MYH1: variants seen among roughly 807,000 people sequenced by gnomAD.
The protein encoded by MYH1 is myosin-1.
Under a neutral mutation model 225.6 loss-of-function variants are expected in MYH1, and 214 were observed. The observed-to-expected ratio is 0.95, with a 90% CI of 0.85 to 1.06. MYH1 has a LOEUF of 1.06. MYH1 is among the 50% of genes least tolerant of loss of function. The pLI, the probability that MYH1 is intolerant of heterozygous loss-of-function variation, is 0.00. For missense variants in MYH1, 2,098 were observed against 2,344.2 expected (o/e 0.89, Z 2.17); for synonymous variants, 774 against 842.3 (o/e 0.92, Z 1.40).
chr17:10,500,955 CTTG>C (rs141431582), intron 27 of MYH1, among the ~76,000 whole-genome samples, 152 bp downstream of exon 27: 1,799 of 152,254 alleles, frequency 0.012, 32 homozygotes, highest in African/African-American at 0.041. Context: ...CACTGAATTA[CTTG>C]TTAATCTAAC....
chr17:10,494,291 C>A lies in MYH1; in HGVS notation c.5667+63G>T, dbSNP rs190844016. 62 of 1,445,336 alleles carry A rather than the reference C, an allele frequency of 4.3e-5. 1 individual carries two copies. In the Admixed American group the frequency reaches 1.2e-3, roughly 28 times the overall value. The allele number at this position is 1,445,336 out of a possible 1,614,324, so 89.5% of individuals were successfully genotyped here. ...TCATTTTACTCATCTTTTCTTTTGT[C>A]ACTTTAACTAAACTGGCCTGGTCAT... On this transcript the variant is annotated intron_variant, in intron 39 of 39. Transcript: ENST00000226207.
chr17:10,511,883 A>G lies in MYH1; in HGVS notation c.1372T>C (p.Tyr458His), dbSNP rs773382684. 1.5e-5 allele frequency: 24 copies of G among 1,614,108 alleles called. No individual in the cohort carries two copies. The highest frequency in any genetic ancestry group is 2.0e-5 in the Non-Finnish European group (24 of 1,180,038). The change falls in exon 14 of 40, where the codon TAC becomes CAC. Residue 458 changes from tyrosine to histidine, a missense_variant. Tyr to His is a moderately conservative substitution (Grantham distance 83). Transcript: ENST00000226207. ...GCAATGTCCAAGACCCCAATGAAGT[A>G]CTGCCTGGGCTGCTTGGTGTCCAGC... ...QQLDTKQPRQ[Y>H]FIGVLDIAGF...
intron 31 of MYH1, 125 bp downstream of exon 31, chr17:10,497,609 G>A: frequency 1.3e-6 from 2 of 1,498,244 alleles, no homozygotes; most frequent in Non-Finnish European, 1.8e-6. Context: ...CCTCTCCACA[G>A]ACAGCTGCTG....
Position 10,512,430 on chromosome 17 carries a change from T to A in MYH1, c.1125A>T (p.Gln375His). ...TACCTTCAGTGCCATCTGGCTCAGCTTGCTCCTCACGCTGCTTTTGCTTGA... is the reference window on the plus strand; with the variant it reads ...TACCTTCAGTGCCATCTGGCTCAGCATGCTCCTCACGCTGCTTTTGCTTGA... ...MKFKQKQREE[Q>H]AEPDGTEVAD... The change falls in exon 12 of 40, where the codon CAA becomes CAT. Residue 375 changes from glutamine to histidine, a missense_variant. Gln to His is a conservative substitution (Grantham distance 24). Coordinates refer to ENST00000226207, the MANE Select transcript of MYH1 (RefSeq NM_005963.4). 1 of 1,614,182 alleles carries A rather than the reference T, an allele frequency of 6.2e-7. No homozygotes were observed. Among genetic ancestry groups the A allele is most frequent in the Non-Finnish European group, 8.5e-7 (1 of 1,180,010 alleles).
intron 24 of MYH1, 69 bp from the exon 25 acceptor site, chr17:10,501,980 A>G (rs745597723): frequency 2.2e-5 from 32 of 1,444,618 alleles, no homozygotes; most frequent in Non-Finnish European, 2.9e-5. Flanking sequence ...TGAAATTTTT[A>G]AACATTATAT....
In MYH1 at chr17:10,508,584, T is replaced by A. The variant is rs771631959; in HGVS notation, c.1676A>T (p.His559Leu). 6.2e-7 allele frequency: 1 copy of A among 1,614,126 alleles called. No homozygotes were observed. Among genetic ancestry groups the A allele is most frequent in the Admixed American group, 1.7e-5 (1 of 60,016 alleles). Residue 559 changes from histidine (H) to leucine (L), a missense_variant, in exon 16 of 40, where the codon CAT becomes CTT. His to Leu is a moderately conservative substitution (Grantham distance 99). Coordinates refer to ENST00000226207, the MANE Select transcript of MYH1 (RefSeq NM_005963.4). ...CTGGAAGTTATTGGATTTTCCAAGA[T>A]GTTGTTCATACAGCTTGTTCTTGAA... is the stretch of plus-strand genomic sequence containing the variant. ...TSFKNKLYEQHLGKSNNFQKP... is the reference protein window; with the variant it reads ...TSFKNKLYEQLLGKSNNFQKP...
In MYH1 at chr17:10,492,548, G is replaced by A. The variant is rs144232082; in HGVS notation, c.5688C>T (p.Asn1896=). 6.2e-7 allele frequency: 1 copy of A among 1,613,488 alleles called. No individual in the cohort carries two copies. Among genetic ancestry groups the A allele is most frequent in the Non-Finnish European group, 8.5e-7 (1 of 1,179,830 alleles). Residue 1896 remains asparagine, a synonymous_variant, in exon 40 of 40, where the codon AAC becomes AAT. Transcript: ENST00000226207. The part of the protein sequence containing the change: ...AEEAEEQSNV[N]LSKFRRIQHE... ...GCTGGATCCTGCGGAATTTGGAGAGGTTGACGTTGGATTGTTCCTCCTGTG... is the reference window on the plus strand; with the variant it reads ...GCTGGATCCTGCGGAATTTGGAGAGATTGACGTTGGATTGTTCCTCCTGTG...
At chr17:10,502,954 C>T (rs747598954) in intron 23 of MYH1, 40 bp from the exon 24 acceptor site, 7 of 1,614,148 alleles carry the variant, frequency 4.3e-6, no homozygotes, top group South Asian at 2.2e-5. Flanking sequence ...CTCTAAAGCA[C>T]CTTTGTTGGG....
At chr17:10,498,528 T>C in intron 30 of MYH1, 98 bp downstream of exon 30, 2 of 1,510,172 alleles carry the variant, frequency 1.3e-6, no homozygotes, top group Non-Finnish European at 1.8e-6. Context: ...TCCAACAATA[T>C]GGCTGTATAT....
rs759316011 is a variant in MYH1, at chr17:10,499,111, A to T, written c.3866-19T>A. ...TATTCACCTGTAAAAGACCAAGTCC[A>T]GAAAACTCAACCTTACTTTGGAAAT... On this transcript the variant is annotated intron_variant, in intron 28 of 39. Coordinates refer to ENST00000226207, the MANE Select transcript of MYH1 (RefSeq NM_005963.4). The T allele has an allele frequency of 5.1e-6, 8 of 1,583,130 alleles. No homozygotes were observed. The highest frequency in any genetic ancestry group is 6.1e-6 in the Non-Finnish European group (7 of 1,154,656).
At chr17:10,511,451 C>T (rs1379525472) in intron 14 of MYH1, among the ~76,000 whole-genome samples, 1 of 152,080 alleles carries the variant, frequency 6.6e-6, no homozygotes, top group African/African-American at 2.4e-5. Context: ...TTACTGAGTG[C>T]TGCCTGCATG....
In MYH1 at chr17:10,508,506, T is replaced by C; in HGVS notation, c.1754A>G (p.Tyr585Cys). 1 of 1,614,156 alleles carries C rather than the reference T, an allele frequency of 6.2e-7. No individual in the cohort carries two copies. Among genetic ancestry groups the C allele is most frequent in the Non-Finnish European group, 8.5e-7 (1 of 1,180,036 alleles). Residue 585 changes from tyrosine to cysteine, a missense_variant, in exon 16 of 40, where the codon TAT (tyrosine) becomes TGT (cysteine). By Grantham distance (194) the Tyr-to-Cys change is radical (BLOSUM62 -2). Coordinates refer to ENST00000226207, the MANE Select transcript of MYH1 (RefSeq NM_005963.4). ...KPEAHFSLIH[Y>C]AGTVDYNIAG... ...AATGTTGTAGTCCACGGTGCCAGCATAGTGAATCAAAGAGAAGTGGGCCTC... is the reference window on the plus strand; with the variant it reads ...AATGTTGTAGTCCACGGTGCCAGCACAGTGAATCAAAGAGAAGTGGGCCTC...
chr17:10,511,459 A>G (rs1464870354), intron 14 of MYH1, among the ~76,000 whole-genome samples: 1 of 152,054 alleles, frequency 6.6e-6, no homozygotes, highest in African/African-American at 2.4e-5. Flanking sequence ...TGCTGCCTGC[A>G]TGCTTGGGGA....
intron 28 of MYH1, 87 bp from the exon 29 acceptor site, chr17:10,499,179 G>C (rs150892304): frequency 4.3e-6 from 5 of 1,158,410 alleles, no homozygotes; most frequent in Non-Finnish European, 6.4e-6. Context: ...AGGGAGCCAA[G>C]TTTGAAACTT....
intron 24 of MYH1, 51 bp downstream of exon 24, chr17:10,502,687 T>G (rs756171398): frequency 6.2e-7 from 1 of 1,613,388 alleles, no homozygotes; most frequent in Non-Finnish European, 8.5e-7. Context: ...TTATGCTTAC[T>G]TAGTTTGTTA....
rs191664862 is a variant in MYH1 at position 10,507,878 on chromosome 17, G to A, written c.1968+8C>T. The A allele has an allele frequency of 6.2e-7, 1 of 1,609,572 alleles. No individual in the cohort carries two copies. Among genetic ancestry groups the A allele is most frequent in the Admixed American group, 1.7e-5 (1 of 59,804 alleles). ...AATCTAATTAGACAGAGAAAATGAAGTTTGTACCCTGAAGAGAGCAGACAC... is the reference window on the plus strand; with the variant it reads ...AATCTAATTAGACAGAGAAAATGAAATTTGTACCCTGAAGAGAGCAGACAC... On this transcript the variant is annotated splice_region_variant and intron_variant, in intron 17 of 39. Coordinates refer to ENST00000226207, the MANE Select transcript of MYH1 (RefSeq NM_005963.4).
chr17:10,497,712 A>G, intron 31 of MYH1, 22 bp downstream of exon 31: 1 of 1,612,176 alleles, frequency 6.2e-7, no homozygotes, highest in Non-Finnish European at 8.5e-7. Context: ...TTGAAAGTTG[A>G]AGCAAAAACT....
Position 10,508,526 on chromosome 17 carries a change from G to A in MYH1, c.1734C>T (p.Ala578=). ...CAGCATAGTGAATCAAAGAGAAGTG[G>A]GCCTCAGGCTTGCCTTTGGCAGGCT... is the stretch of plus-strand genomic sequence containing the variant. ...KPKPAKGKPE[A]HFSLIHYAGT... is the part of the protein sequence containing the mutation. The change falls in exon 16 of 40, where the codon GCC becomes GCT. Residue 578 remains alanine, a synonymous_variant. Transcript: ENST00000226207. 1 of 1,614,056 alleles carries A rather than the reference G, an allele frequency of 6.2e-7. No homozygotes were observed. Among genetic ancestry groups the A allele is most frequent in the South Asian group, 1.1e-5 (1 of 91,070 alleles).
At chr17:10,494,062 G>A (rs1484194553) in intron 39 of MYH1, among the ~76,000 whole-genome samples, 4 of 152,148 alleles carry the variant, frequency 2.6e-5, no homozygotes, top group Non-Finnish European at 5.9e-5. Flanking sequence ...GACCCTATGA[G>A]CTGCCTCCTG....
Sources: allele counts gnomAD v4.1 joint callset (sites outside exome capture counted in the v4.1 genomes callset), GRCh38; gene constraint gnomAD v4.1.1; transcripts MANE v1.5; gene names NCBI Gene and HGNC (gene_info 2026-07-23, HGNC 2026-07-21).